HS3ST4: variants seen among roughly 807,000 people sequenced by gnomAD.
HS3ST4 encodes the protein heparan sulfate-glucosamine 3-sulfotransferase 4.
In HS3ST4, 17 loss-of-function variants were observed where a neutral mutation model predicts 29.2. That is an observed-to-expected ratio of 0.58 (90% CI 0.40 to 0.87). The LOEUF (loss-of-function observed/expected upper bound fraction) is 0.87. Among genes scored for constraint, HS3ST4 ranks in the 40% least tolerant of loss-of-function variants. The probability of loss-of-function intolerance (pLI) is 0.00; values close to 1 mark genes in which losing one functional copy is unlikely to be tolerated. For missense variants in HS3ST4, 627 were observed against 634.5 expected (o/e 0.99, Z 0.13); for synonymous variants, 314 against 285.7 (o/e 1.10, Z -1.00).
At chr16:26,114,778 C>A (rs1343481830) in intron 1 of HS3ST4, among the ~76,000 whole-genome samples, 1 of 152,058 alleles carries the variant, frequency 6.6e-6, no homozygotes, top group Non-Finnish European at 1.5e-5. Context: ...TGAGTGGGAA[C>A]AAAATTTTGG....
At chr16:25,911,418 C>T (rs1270096908) in intron 1 of HS3ST4, among the ~76,000 whole-genome samples, 3 of 149,214 alleles carry the variant, frequency 2.0e-5, no homozygotes, top group South Asian at 2.2e-4. Flanking sequence ...AAACCCTGGG[C>T]GTTCTCTCCT....
chr16:26,079,232 G>A lies in HS3ST4; in HGVS notation c.735-56380G>A, dbSNP rs149105343. Among the ~76,000 whole-genome samples the A allele has an allele frequency of 4.5e-3, 683 of 152,346 alleles. 2 individuals are homozygous for A. Among genetic ancestry groups the A allele is most frequent in the African/African-American group, 0.016 (656 of 41,586 alleles). On this transcript the variant is annotated intron_variant, in intron 1 of 1. Transcript: ENST00000331351. ...AGCTGCCTCTGCACGATAAACGACA[G>A]CTGTGACTGAAGGAATAAACAGAAT... is the stretch of plus-strand genomic sequence containing the variant.
chr16:25,798,929 A>AT (rs1264399244), intron 1 of HS3ST4, among the ~76,000 whole-genome samples: 1 of 152,130 alleles, frequency 6.6e-6, no homozygotes, highest in Non-Finnish European at 1.5e-5. Context: ...TTGGGTTACC[A>AT]TTGTTGGCAG....
intron 1 of HS3ST4, among the ~76,000 whole-genome samples, chr16:26,088,444 A>G (rs749784458): frequency 5.3e-5 from 8 of 152,154 alleles, no homozygotes; most frequent in Admixed American, 2.0e-4. Flanking sequence ...GTTGGTTGTA[A>G]CAGTGGCTTG....
At chr16:25,795,661 C>A (rs16975221) in intron 1 of HS3ST4, among the ~76,000 whole-genome samples, 2,088 of 152,176 alleles carry the variant, frequency 0.014, 54 homozygotes, top group African/African-American at 0.048. Context: ...GTATATCAAA[C>A]TGTAGGGTTT....
chr16:25,950,326 A>G (rs940349681), intron 1 of HS3ST4, among the ~76,000 whole-genome samples: 6 of 152,074 alleles, frequency 3.9e-5, no homozygotes, highest in Admixed American at 3.9e-4. Flanking sequence ...TGTAAACTGT[A>G]AATGAACAGA....
At chr16:26,067,249 A>G (rs60890670) in intron 1 of HS3ST4, among the ~76,000 whole-genome samples, 2,701 of 152,298 alleles carry the variant, frequency 0.018, 85 homozygotes, top group African/African-American at 0.062. Context: ...TCTTAGTCCA[A>G]CAAAATAGCT....
At chr16:25,982,771 C>T (rs773061033) in intron 1 of HS3ST4, among the ~76,000 whole-genome samples, 9 of 151,976 alleles carry the variant, frequency 5.9e-5, no homozygotes, top group Non-Finnish European at 1.2e-4. Flanking sequence ...TCAAGGCTGC[C>T]GTGAGCCAAG....
chr16:25,982,668 A>T (rs1011760767), intron 1 of HS3ST4, among the ~76,000 whole-genome samples: 5 of 151,730 alleles, frequency 3.3e-5, no homozygotes, highest in South Asian at 2.1e-4. Flanking sequence ...TCTCTACGAA[A>T]TTTTTTTTTA....
rs183211501 is a variant in HS3ST4, at chr16:25,875,400, G to T, written c.734+182249G>T. On this transcript the variant is annotated intron_variant, in intron 1 of 1. Transcript: ENST00000331351. Reference sequence around the variant, plus strand: ...TCTATTCATGTCCATGTGCTCATGTGGCTGGTCCAGGCTGCAAGTCTGTGC... The same window carrying T: ...TCTATTCATGTCCATGTGCTCATGTTGCTGGTCCAGGCTGCAAGTCTGTGC... 3.9e-5 allele frequency among the ~76,000 whole-genome samples: 6 copies of T among 152,182 alleles called. No individual in the cohort carries two copies. The East Asian group carries it at 1.2e-3, about 29-fold the overall frequency.
chr16:25,794,664 T>C (rs1429801402), intron 1 of HS3ST4, among the ~76,000 whole-genome samples: 1 of 152,218 alleles, frequency 6.6e-6, no homozygotes, highest in East Asian at 1.9e-4. Context: ...TTCTCTGTTT[T>C]TTGTTTTCTC....
chr16:26,034,600 C>G (rs1244591133), intron 1 of HS3ST4, among the ~76,000 whole-genome samples: 1 of 149,986 alleles, frequency 6.7e-6, no homozygotes, highest in Admixed American at 6.7e-5. Context: ...AAGACATATT[C>G]TAGTTCATCC....
chr16:25,766,540 TTAATC>T (rs1164118087), intron 1 of HS3ST4, among the ~76,000 whole-genome samples: 1 of 152,230 alleles, frequency 6.6e-6, no homozygotes, highest in African/African-American at 2.4e-5. Context: ...TTGACTTTAT[TTAATC>T]TATTTGTTTA....
intron 1 of HS3ST4, among the ~76,000 whole-genome samples, chr16:26,011,714 CAGAG>C (rs1276707072): frequency 2.1e-5 from 2 of 93,442 alleles, no homozygotes; most frequent in Non-Finnish European, 4.1e-5. Context: ...GAGAGAGAGA[CAGAG>C]AGAGGTGTGT....
At chr16:25,823,542 A>G (rs1245833099) in intron 1 of HS3ST4, among the ~76,000 whole-genome samples, 1 of 152,018 alleles carries the variant, frequency 6.6e-6, no homozygotes, top group Admixed American at 6.6e-5. Context: ...GTCTTCTCCA[A>G]GGCCACTTTT....
chr16:25,965,059 A>G (rs1968829983), intron 1 of HS3ST4, among the ~76,000 whole-genome samples: 1 of 152,180 alleles, frequency 6.6e-6, no homozygotes, highest in Non-Finnish European at 1.5e-5. Context: ...TTCACGCGAG[A>G]CATTGTAACA....
chr16:25,850,339 T>TG (rs1464250007), intron 1 of HS3ST4, among the ~76,000 whole-genome samples: 2 of 152,150 alleles, frequency 1.3e-5, no homozygotes, highest in African/African-American at 4.8e-5. Context: ...AAATTCTGTA[T>TG]GGGCTGGGAA....
At chr16:25,970,111 T>A (rs777812620) in intron 1 of HS3ST4, among the ~76,000 whole-genome samples, 7 of 152,182 alleles carry the variant, frequency 4.6e-5, no homozygotes, top group Non-Finnish European at 1.0e-4. Flanking sequence ...TGAGCACAAC[T>A]CCCTTCTCCA....
intron 1 of HS3ST4, among the ~76,000 whole-genome samples, chr16:26,113,371 G>A (rs183646622): frequency 1.3e-5 from 2 of 151,488 alleles, no homozygotes; most frequent in South Asian, 2.2e-4. Context: ...GCTTGAAACC[G>A]GGGGGTAGAG....
Sources: gnomAD v4.1 joint callset for allele counts (sites outside exome capture counted in the v4.1 genomes callset) on GRCh38, gnomAD v4.1.1 for gene constraint, MANE v1.5 for transcripts, NCBI Gene and HGNC (gene_info 2026-07-23, HGNC 2026-07-21) for gene names.